The following CBFA2T3 variants were observed in gnomAD, a reference collection of about 807,000 sequenced individuals.
CBFA2T3 encodes CBFA2/RUNX1 partner transcriptional co-repressor 3, also known as transcriptional corepressor CBFA2T3.
A neutral mutation model predicts 58.6 loss-of-function variants in CBFA2T3; 31 were observed. The ratio of observed to expected loss-of-function variants is 0.53; its 90% confidence interval spans 0.40 to 0.71. CBFA2T3 has a LOEUF of 0.71. Ranked by LOEUF, CBFA2T3 falls within the 30% of genes least tolerant of loss-of-function variation. The probability of loss-of-function intolerance (pLI) is 0.00; values close to 1 mark genes in which losing one functional copy is unlikely to be tolerated. For synonymous variants in CBFA2T3, 531 were observed against 421.9 expected (o/e 1.26, Z -3.17); for missense variants, 1,076 against 963.1 (o/e 1.12, Z -1.55).
At chr16:88,970,694 A>AAGGACC (rs1345040265) in intron 1 of CBFA2T3, among the ~76,000 whole-genome samples, 3 of 152,200 alleles carry the variant, frequency 2.0e-5, no homozygotes, top group African/African-American at 7.2e-5. Flanking sequence ...GTAACAACTG[A>AAGGACC]AGGACCAGGA....
At chr16:88,939,057 C>A (rs982672634) in intron 1 of CBFA2T3, 2 of 152,224 alleles carry the variant, frequency 1.3e-5, no homozygotes, top group Admixed American at 6.5e-5. Flanking sequence ...CTGGCAGCAT[C>A]TCCAGATCCT....
intron 1 of CBFA2T3, among the ~76,000 whole-genome samples, chr16:88,928,759 C>T (rs1394334122): frequency 1.3e-5 from 2 of 152,186 alleles, no homozygotes; most frequent in African/African-American, 2.4e-5. Context: ...CGTACGAGAC[C>T]GAGGCTGGGA....
intron 1 of CBFA2T3, among the ~76,000 whole-genome samples, chr16:88,975,151 G>A (rs62045815): frequency 0.4 from 32,629 of 82,454 alleles, 5,127 homozygotes; most frequent in African/African-American, 0.54. Context: ...AGCCATGTCA[G>A]AGGTCCACCC....
chr16:88,886,303 G>A (rs952726874), intron 5 of CBFA2T3, 161 bp from the exon 6 acceptor site: 13 of 452,408 alleles, frequency 2.9e-5, no homozygotes, highest in Non-Finnish European at 5.0e-5. Context: ...TTCCTTCCTA[G>A]CAGTGCCATG....
Position 88,892,351 on chromosome 16 carries a change from G to C in CBFA2T3, c.514C>G (p.Arg172Gly), listed in dbSNP as rs777898172. 5.6e-6 allele frequency: 9 copies of C among 1,613,266 alleles called. No individual in the cohort carries two copies. The highest frequency in any genetic ancestry group is 6.8e-6 in the Non-Finnish European group (8 of 1,179,948). Residue 172 changes from arginine (R) to glycine (G), a missense_variant, in exon 4 of 12, where the codon CGG becomes GGG. Physicochemically the swap from Arg to Gly is moderately radical, Grantham distance 125. Transcript: ENST00000268679. ...TQHLPPACGA[R>G]QLSKLKRFLT... Reference sequence around the variant, plus strand: ...AAGCGCTTGAGCTTGCTGAGCTGCCGGGCCCCGCAGGCTGGGGGCAGGTGC... The same window carrying C: ...AAGCGCTTGAGCTTGCTGAGCTGCCCGGCCCCGCAGGCTGGGGGCAGGTGC...
At position 88,875,104 on chromosome 16, in the gene CBFA2T3, C is replaced by T. The variant is rs902715862; in HGVS notation, c.*1872G>A. On this transcript the variant is annotated 3_prime_UTR_variant, in exon 12 of 12. Coordinates refer to ENST00000268679, the MANE Select transcript of CBFA2T3 (RefSeq NM_005187.6). ...CGCCACGCGCACAGATGCCAGGCCACGGGCCACGCCACACACACAGATGCC... is the reference window on the plus strand; with the variant it reads ...CGCCACGCGCACAGATGCCAGGCCATGGGCCACGCCACACACACAGATGCC... The T allele has an allele frequency of 1.1e-4, 26 of 235,144 alleles. No individual in the cohort carries two copies. Among genetic ancestry groups the T allele is most frequent in the Non-Finnish European group, 1.5e-4 (18 of 119,290 alleles). The allele number at this position is 235,144 out of a possible 1,614,324, so 14.6% of individuals were successfully genotyped here.
At chr16:88,926,476 CCT>C (rs1246010866) in intron 1 of CBFA2T3, among the ~76,000 whole-genome samples, 17 of 152,332 alleles carry the variant, frequency 1.1e-4, no homozygotes, top group African/African-American at 2.9e-4. Flanking sequence ...GGCTGAGCGA[CCT>C]CTCTTTCTAT....
At chr16:88,935,680 A>T (rs1033905685) in intron 1 of CBFA2T3, among the ~76,000 whole-genome samples, 1 of 152,184 alleles carries the variant, frequency 6.6e-6, no homozygotes, top group Non-Finnish European at 1.5e-5. Context: ...GGTGCAGACA[A>T]TGAACTTCTG....
intron 1 of CBFA2T3, among the ~76,000 whole-genome samples, chr16:88,903,161 C>T (rs1433407663): frequency 2.6e-5 from 4 of 152,346 alleles, no homozygotes; most frequent in Middle Eastern, 3.4e-3. Flanking sequence ...GCCACGGCCA[C>T]GCGGACTCTG....
At chr16:88,967,058 A>G (rs568189763) in intron 1 of CBFA2T3, among the ~76,000 whole-genome samples, 1 of 152,024 alleles carries the variant, frequency 6.6e-6, no homozygotes, top group South Asian at 2.1e-4. Context: ...GACGCACTCA[A>G]CCTCTCTCCA....
At chr16:88,971,074 G>A (rs1015183015) in intron 1 of CBFA2T3, among the ~76,000 whole-genome samples, 1 of 152,136 alleles carries the variant, frequency 6.6e-6, no homozygotes, top group African/African-American at 2.4e-5. Flanking sequence ...GTGGGTGTGC[G>A]CAGGTGTGAT....
chr16:88,929,751 A>T (rs1326493363), intron 1 of CBFA2T3, among the ~76,000 whole-genome samples: 1 of 149,980 alleles, frequency 6.7e-6, no homozygotes, highest in African/African-American at 2.5e-5. Context: ...AAAAGCTACC[A>T]ATACCCACAG....
Position 88,876,325 on chromosome 16 carries a change from G to A in CBFA2T3, c.*651C>T. ...ATCTGAAACCAAAAATGCATCTTGA[G>A]TCAGAAATCGAAATCTTTCCTCCCG... On this transcript the variant is annotated 3_prime_UTR_variant, in exon 12 of 12. Coordinates refer to ENST00000268679, the MANE Select transcript of CBFA2T3 (RefSeq NM_005187.6). 1 of 228,380 alleles carries A rather than the reference G, an allele frequency of 4.4e-6. No homozygotes were observed. Among genetic ancestry groups the A allele is most frequent in the Non-Finnish European group, 8.7e-6 (1 of 114,988 alleles). 14.1% of individuals were successfully genotyped at this position (228,380 alleles called of 1,614,324 possible).
At chr16:88,970,246 T>A (rs1034056807) in intron 1 of CBFA2T3, among the ~76,000 whole-genome samples, 30 of 152,158 alleles carry the variant, frequency 2.0e-4, no homozygotes, top group African/African-American at 7.0e-4. Flanking sequence ...TGTCAGGATG[T>A]GCTTGATCCA....
chr16:88,962,573 G>A (rs2045503), intron 1 of CBFA2T3, among the ~76,000 whole-genome samples: 55,328 of 152,072 alleles, frequency 0.36, 10,542 homozygotes, highest in Middle Eastern at 0.6. Flanking sequence ...CTGAGGGCAC[G>A]TGGTGGGGCC....
intron 1 of CBFA2T3, among the ~76,000 whole-genome samples, chr16:88,949,290 G>A (rs911678072): frequency 2.2e-4 from 34 of 152,184 alleles, no homozygotes; most frequent in Non-Finnish European, 1.5e-4. Context: ...CGGGCGCGGC[G>A]CCTCACACCT....
chr16:88,885,102 C>T lies in CBFA2T3; in HGVS notation c.1061G>A (p.Arg354Gln), dbSNP rs764998500. 71 of 1,602,302 alleles carry T rather than the reference C, an allele frequency of 4.4e-5. No individual in the cohort carries two copies. The highest frequency in any genetic ancestry group is 1.2e-4 in the African/African-American group (9 of 74,818). Reference protein sequence around the residue: ...LEDIAMAHHFRDAYRHPDPRE... With the variant: ...LEDIAMAHHFQDAYRHPDPRE... ...GGGGTCTGGGTGGCGGTAGGCATCT[C>T]GGAAGTGGTGGGCCATGGCTATGTC... The change falls in exon 7 of 12, where the codon CGA (arginine) becomes CAA (glutamine). Residue 354 changes from arginine (R) to glutamine (Q), a missense_variant. Transcript: ENST00000268679. This position sits in a 1 kb window ranked among gnomAD's most constrained non-coding sequence, Gnocchi z 5.3.
intron 1 of CBFA2T3, among the ~76,000 whole-genome samples, chr16:88,959,032 C>A (rs1000480195): frequency 6.6e-6 from 1 of 152,130 alleles, no homozygotes; most frequent in Non-Finnish European, 1.5e-5. Flanking sequence ...TGTGCCGCAC[C>A]AACCCAGGGC....
intron 1 of CBFA2T3, among the ~76,000 whole-genome samples, chr16:88,967,707 GGGGGGTTAAA>G (rs1972550371): frequency 6.6e-6 from 1 of 152,202 alleles, no homozygotes; most frequent in Admixed American, 6.5e-5. Flanking sequence ...GGCTTCTCCT[GGGGGGTTAAA>G]GATCAGCCAC....
Sources: gnomAD v4.1 joint callset for allele counts (sites outside exome capture counted in the v4.1 genomes callset) on GRCh38, gnomAD v4.1.1 for gene constraint, Gnocchi (gnomAD v3.1) non-coding constraint, MANE v1.5 for transcripts, NCBI Gene and HGNC (gene_info 2026-07-23, HGNC 2026-07-21) for gene names.